PTGER3: variants seen among roughly 807,000 people sequenced by gnomAD.
PTGER3 encodes the protein prostaglandin E2 receptor EP3 subtype.
In PTGER3, 22 loss-of-function variants were observed where a neutral mutation model predicts 34.7. That is an observed-to-expected ratio of 0.63 (90% CI 0.45 to 0.91). The LOEUF (loss-of-function observed/expected upper bound fraction) is 0.91, where lower values mean the gene tolerates loss of function less well. Among genes scored for constraint, PTGER3 ranks in the 40% least tolerant of loss-of-function variants. The pLI is 0.00. For synonymous variants in PTGER3, 241 were observed against 230.1 expected (o/e 1.05, Z -0.43); for missense variants, 468 against 519.4 (o/e 0.90, Z 0.96).
chr1:70,998,700 A>G (rs1656199310), intron 2 of PTGER3, among the ~76,000 whole-genome samples: 4 of 152,144 alleles, frequency 2.6e-5, no homozygotes, highest in Non-Finnish European at 5.9e-5. Context: ...TTAATTGTGT[A>G]TTTCTCAAAT....
chr1:70,893,809 A>C (rs113230339), intron 4 of PTGER3, among the ~76,000 whole-genome samples: 1 of 152,202 alleles, frequency 6.6e-6, no homozygotes, highest in African/African-American at 2.4e-5. Flanking sequence ...GCAACAGAGA[A>C]AATTCATTTG....
At chr1:70,899,054 T>C (rs552890140) in intron 4 of PTGER3, among the ~76,000 whole-genome samples, 1 of 152,302 alleles carries the variant, frequency 6.6e-6, no homozygotes, top group African/African-American at 2.4e-5. Context: ...TATTCTCATA[T>C]AAAAGGAAAG....
chr1:70,952,840 G>C, exon 4 of PTGER3: 1 of 1,474,148 alleles, frequency 6.8e-7, no homozygotes, highest in Non-Finnish European at 9.1e-7. Flanking sequence ...AGGGATTAGA[G>C]TCACAAACTC....
chr1:70,990,866 AT>A (rs1445782873), intron 2 of PTGER3, among the ~76,000 whole-genome samples: 1 of 152,166 alleles, frequency 6.6e-6, no homozygotes, highest in East Asian at 1.9e-4. Context: ...AAAACACTAG[AT>A]TATCTGTGTT....
downstream of PTGER3, among the ~76,000 whole-genome samples, chr1:70,966,631 G>T (rs1350809733): frequency 6.6e-6 from 1 of 151,946 alleles, no homozygotes; most frequent in Admixed American, 6.6e-5. Flanking sequence ...CCTGGTGTGT[G>T]TTGTTTCCTT....
At chr1:70,986,080 T>C (rs1000404243) in intron 2 of PTGER3, among the ~76,000 whole-genome samples, 5 of 152,080 alleles carry the variant, frequency 3.3e-5, no homozygotes, top group Admixed American at 1.3e-4. Context: ...ACAAGAGTGA[T>C]CTCAGGTCAT....
At chr1:70,947,558 A>G (rs1245292201), downstream of PTGER3, 1 of 152,174 alleles carries the variant, frequency 6.6e-6, no homozygotes, top group African/African-American at 2.4e-5. Flanking sequence ...CTAATACAGT[A>G]GGTGTGCAAC....
At chr1:71,018,176 A>G (rs1455864068) in intron 1 of PTGER3, among the ~76,000 whole-genome samples, 1 of 152,182 alleles carries the variant, frequency 6.6e-6, no homozygotes, top group African/African-American at 2.4e-5. Context: ...TGAGCTCTCA[A>G]CCAATGTTAA....
intron 4 of PTGER3, among the ~76,000 whole-genome samples, chr1:70,894,636 TAAC>T (rs1646688299): frequency 6.6e-6 from 1 of 152,224 alleles, no homozygotes; most frequent in Non-Finnish European, 1.5e-5. Context: ...CTATTATGGA[TAAC>T]AATTCCTGTG....
At position 70,916,541 on chromosome 1, in the gene PTGER3, G is replaced by A. The variant is rs955172185; in HGVS notation, c.*23+37222C>T. Among the ~76,000 whole-genome samples, 7 of 151,990 alleles carry A rather than the reference G, an allele frequency of 4.6e-5. No homozygotes were observed. In the East Asian group the frequency reaches 1.2e-3, roughly 25 times the overall value. On this transcript the variant is annotated intron_variant, in intron 4 of 4. Transcript: ENST00000370931. ...GTGATACATATATACCATAAGATAC[G>A]ACACAGCCATAAAAAAGAACAAAAA...
chr1:70,953,139 G>T, intron 3 of PTGER3: 1 of 1,220,538 alleles, frequency 8.2e-7, no homozygotes, highest in Non-Finnish European at 1.1e-6. Flanking sequence ...AAATAAAAAG[G>T]TGATACAGTA....
chr1:71,013,565 G>C (rs1439111196), intron 1 of PTGER3, among the ~76,000 whole-genome samples: 3 of 151,984 alleles, frequency 2.0e-5, no homozygotes, highest in Non-Finnish European at 2.9e-5. Flanking sequence ...GGCTGGGTGT[G>C]ATGGTGCATG....
intron 2 of PTGER3, among the ~76,000 whole-genome samples, chr1:70,959,842 A>G (rs1651741407): frequency 6.6e-6 from 1 of 152,134 alleles, no homozygotes; most frequent in African/African-American, 2.4e-5. Context: ...TCCTTGTTAT[A>G]AATTGATTTT....
chr1:70,973,237 A>AGATAGAT (rs1259559924), intron 3 of PTGER3, among the ~76,000 whole-genome samples: 13 of 143,914 alleles, frequency 9.0e-5, no homozygotes, highest in African/African-American at 3.2e-4. Context: ...ATAGATAGAT[A>AGATAGAT]GATAGATAGA....
intron 2 of PTGER3, chr1:71,009,529 C>T: frequency 1.0e-6 from 1 of 984,846 alleles, no homozygotes; most frequent in Non-Finnish European, 1.2e-6. Context: ...GTAAACTGCT[C>T]TCATTAAGTA....
chr1:70,974,466 A>C (rs989272047), intron 2 of PTGER3, 78 bp from the exon 3 acceptor site: 1 of 736,740 alleles, frequency 1.4e-6, no homozygotes, highest in African/African-American at 1.7e-5. Context: ...CCTGCATATC[A>C]AAGTCACATT....
chr1:71,039,664 AAAAAAAG>A (rs1557768570), intron 1 of PTGER3, among the ~76,000 whole-genome samples: 6 of 145,348 alleles, frequency 4.1e-5, no homozygotes, highest in African/African-American at 1.5e-4. Flanking sequence ...AAAAAAAAAA[AAAAAAAG>A]AAAAAAAGAA....
intron 4 of PTGER3, among the ~76,000 whole-genome samples, chr1:70,923,579 A>G (rs891907124): frequency 1.3e-5 from 2 of 152,220 alleles, no homozygotes; most frequent in Non-Finnish European, 2.9e-5. Context: ...TGAAATGTTC[A>G]TGAATATTAA....
chr1:71,010,610 G>T, intron 2 of PTGER3: 1 of 984,308 alleles, frequency 1.0e-6, no homozygotes, highest in Non-Finnish European at 1.2e-6. Flanking sequence ...GTGCACTTTT[G>T]AAAAAAAGTA....
Sources: allele counts gnomAD v4.1 joint callset (sites outside exome capture counted in the v4.1 genomes callset), GRCh38; gene constraint gnomAD v4.1.1; transcripts MANE v1.5; gene names NCBI Gene and HGNC (gene_info 2026-07-23, HGNC 2026-07-21).